The following ADAM12 variants were observed in gnomAD, a reference collection of about 807,000 sequenced individuals.
ADAM12 encodes the protein disintegrin and metalloproteinase domain-containing protein 12.
ADAM12 carries 70 observed loss-of-function variants against 106.4 expected under a neutral mutation model. The ratio of observed to expected loss-of-function variants is 0.66; its 90% CI spans 0.54 to 0.80. The LOEUF is 0.80. Among genes scored for constraint, ADAM12 ranks in the 30% least tolerant of loss-of-function variants. The pLI, the probability that ADAM12 is intolerant of heterozygous loss-of-function variation, is 0.00. For missense variants in ADAM12, 1,010 were observed against 1,171.9 expected (o/e 0.86, Z 2.02); for synonymous variants, 420 against 433.5 (o/e 0.97, Z 0.39).
At chr10:126,103,271 T>G (rs1226405351) in intron 8 of ADAM12, among the ~76,000 whole-genome samples, 1 of 152,192 alleles carries the variant, frequency 6.6e-6, no homozygotes, top group Non-Finnish European at 1.5e-5. Flanking sequence ...TGCCATTGTT[T>G]GACTGTCATT....
chr10:126,013,694 G>C lies in ADAM12; in HGVS notation c.*3585C>G, dbSNP rs954391095. ...ACCTGGGAAAGGGGCTTGTGTCTGG[G>C]TGATAGGGAAAGGTAAACAGATGTA... On this transcript the variant is annotated 3_prime_UTR_variant, in exon 23 of 23. Coordinates refer to ENST00000448723, the MANE Select transcript of ADAM12 (RefSeq NM_001288973.2). This position sits in a 1 kb window ranked among gnomAD's most constrained non-coding sequence, Gnocchi z 4.3. 1 of 152,336 alleles carries C rather than the reference G, an allele frequency of 6.6e-6. No homozygotes were observed. 9.4% of individuals were successfully genotyped at this position (152,336 alleles called of 1,614,324 possible).
At chr10:126,125,257 T>TC (rs1372763219) in intron 5 of ADAM12, among the ~76,000 whole-genome samples, 1 of 150,206 alleles carries the variant, frequency 6.7e-6, no homozygotes, top group Non-Finnish European at 1.5e-5. Context: ...TTCTTTTTTT[T>TC]TTTTTTGAAA....
chr10:126,122,500 G>A (rs979783688), intron 5 of ADAM12, among the ~76,000 whole-genome samples: 2 of 152,176 alleles, frequency 1.3e-5, no homozygotes, highest in African/African-American at 2.4e-5. Flanking sequence ...GGTGGCTCAC[G>A]CCTGTAATTC....
At position 126,064,781 on chromosome 10, in the gene ADAM12, T is replaced by G. The variant is rs751661524; in HGVS notation, c.1609+25A>C. The stretch of plus-strand genomic sequence containing the variant: ...CCAGGTCTGCCAGTGCCTCTCCTGA[T>G]GCCGAGCTTGTGGCGGCCACGTACC... On this transcript the variant is annotated intron_variant, in intron 14 of 22. Transcript: ENST00000448723. This position sits in a 1 kb window ranked among gnomAD's most constrained non-coding sequence, Gnocchi z 4.4. 3.5e-5 allele frequency: 55 copies of G among 1,579,190 alleles called. No homozygotes were observed. The highest frequency in any genetic ancestry group is 2.0e-4 in the Middle Eastern group (1 of 4,932).
chr10:126,309,176 A>T (rs1222340791), intron 2 of ADAM12, among the ~76,000 whole-genome samples: 1 of 152,208 alleles, frequency 6.6e-6, no homozygotes, highest in Non-Finnish European at 1.5e-5. Flanking sequence ...ATGAGGGCAC[A>T]TGACCTAAAT....
At chr10:126,274,790 G>A (rs974480911) in intron 3 of ADAM12, among the ~76,000 whole-genome samples, 4 of 152,204 alleles carry the variant, frequency 2.6e-5, no homozygotes, top group Admixed American at 2.6e-4. Flanking sequence ...CCTCTGGATG[G>A]TGATTCAGCC....
chr10:126,019,932 C>A, intron 21 of ADAM12, 107 bp from the exon 22 acceptor site: 1 of 1,361,626 alleles, frequency 7.3e-7, no homozygotes, highest in Non-Finnish European at 9.8e-7. Context: ...GAATATCATC[C>A]TGTCACCATA....
rs138442335 is a variant in ADAM12 at position 126,323,193 on chromosome 10, T to G, written c.186+7219A>C. Among the ~76,000 whole-genome samples the G allele has an allele frequency of 4.2e-3, 637 of 152,342 alleles. 6 individuals carry two copies. The highest frequency in any genetic ancestry group is 0.014 in the African/African-American group (597 of 41,580). On this transcript the variant is annotated intron_variant, in intron 2 of 22. Coordinates refer to ENST00000448723, the MANE Select transcript of ADAM12 (RefSeq NM_001288973.2). The stretch of plus-strand genomic sequence containing the variant: ...GGCTTGGAAGCTAATGTAAAATAGA[T>G]GCTTCCTAAGTCTGAAAGGCTAACT...
chr10:126,322,928 A>C (rs551034611), intron 2 of ADAM12, among the ~76,000 whole-genome samples: 1 of 152,166 alleles, frequency 6.6e-6, no homozygotes, highest in South Asian at 2.1e-4. Context: ...CTGGTGCAGG[A>C]GTTGGGGCCT....
At chr10:126,097,376 C>T (rs1369232753) in intron 10 of ADAM12, among the ~76,000 whole-genome samples, 5 of 152,294 alleles carry the variant, frequency 3.3e-5, no homozygotes, top group Middle Eastern at 3.4e-3. Context: ...AATCCCTCCA[C>T]GCAGCTTTGA....
chr10:126,148,427 C>G (rs535049731), intron 4 of ADAM12, among the ~76,000 whole-genome samples: 16 of 152,276 alleles, frequency 1.1e-4, no homozygotes, highest in Non-Finnish European at 2.2e-4. Flanking sequence ...TGCAAAGCCT[C>G]GGACTCTCCT....
chr10:126,102,742 C>T (rs1955690964), intron 8 of ADAM12, among the ~76,000 whole-genome samples: 1 of 152,204 alleles, frequency 6.6e-6, no homozygotes, highest in African/African-American at 2.4e-5. Context: ...CACAGCCCAA[C>T]AGTTTGTTTT....
chr10:126,373,962 C>T (rs930077719), intron 1 of ADAM12, among the ~76,000 whole-genome samples: 5 of 152,160 alleles, frequency 3.3e-5, no homozygotes, highest in Admixed American at 2.6e-4. Flanking sequence ...TAGCTAGATC[C>T]TTGAATAAAA....
chr10:126,161,335 A>G (rs918268130), intron 3 of ADAM12, among the ~76,000 whole-genome samples: 5 of 152,120 alleles, frequency 3.3e-5, no homozygotes, highest in Non-Finnish European at 5.9e-5. Flanking sequence ...TATTTAAAAG[A>G]GGAAACCAAG....
chr10:126,169,315 C>T (rs543468090), intron 3 of ADAM12, among the ~76,000 whole-genome samples: 181 of 152,332 alleles, frequency 1.2e-3, no homozygotes, highest in African/African-American at 4.0e-3. Flanking sequence ...TCGCTGCTCT[C>T]GCAAGGTTCT....
At chr10:126,065,500 CTCTCTT>C (rs942052212) in intron 13 of ADAM12, among the ~76,000 whole-genome samples, 2 of 152,198 alleles carry the variant, frequency 1.3e-5, no homozygotes, top group Admixed American at 6.5e-5. Flanking sequence ...AACTGGAACT[CTCTCTT>C]TACTGCTTTA....
At chr10:126,118,758 G>A (rs998281440) in intron 5 of ADAM12, among the ~76,000 whole-genome samples, 4 of 152,016 alleles carry the variant, frequency 2.6e-5, no homozygotes, top group African/African-American at 9.7e-5. Context: ...TCCCTCTCCC[G>A]CCTCTTGGCC....
rs183352438 is a variant in ADAM12 at position 126,232,965 on chromosome 10, G to A, written c.260+45950C>T. On this transcript the variant is annotated intron_variant, in intron 3 of 22. Transcript: ENST00000448723. ...AAGGACGGGGGCAGTAGGGAGAGTC[G>A]GTGGGGAAAGATGTGGCATCTCGAT... Among the ~76,000 whole-genome samples the A allele has an allele frequency of 7.2e-5, 11 of 152,288 alleles. No individual in the cohort carries two copies. In the East Asian group the frequency reaches 1.2e-3, roughly 16 times the overall value.
chr10:126,383,705 A>G (rs1226500929), intron 1 of ADAM12, among the ~76,000 whole-genome samples: 2 of 152,202 alleles, frequency 1.3e-5, no homozygotes, highest in African/African-American at 2.4e-5. Flanking sequence ...GCCTTATAAA[A>G]TACTGAGAAA....
Sources: allele counts gnomAD v4.1 joint callset (sites outside exome capture counted in the v4.1 genomes callset), GRCh38; gene constraint gnomAD v4.1.1; non-coding constraint Gnocchi (gnomAD v3.1); transcripts MANE v1.5; gene names NCBI Gene and HGNC (gene_info 2026-07-23, HGNC 2026-07-21).